Variants in ETV6 observed in about 807,000 individuals in gnomAD.
ETV6 encodes the protein ETS variant transcription factor 6.
A neutral mutation model predicts 51.1 loss-of-function variants in ETV6; 16 were observed. The ratio of observed to expected loss-of-function variants is 0.31; its 90% CI spans 0.21 to 0.48. The LOEUF (loss-of-function observed/expected upper bound fraction) is 0.48. Ranked by LOEUF, ETV6 falls within the 20% of genes least tolerant of loss-of-function variation. ETV6 has a pLI of 0.99. For synonymous variants in ETV6, 240 were observed against 224.1 expected, an observed-to-expected ratio of 1.07 and a Z score of -0.64; for missense variants, 458 against 594.8, an observed-to-expected ratio of 0.77 and a Z score of 2.39.
intron 7 of ETV6, among the ~76,000 whole-genome samples, chr12:11,887,064 G>GGTAACTTAGGAATAGTAAAAGCAATTA (rs1385146814): frequency 3.8e-4 from 58 of 152,146 alleles, no homozygotes; most frequent in African/African-American, 1.3e-3. Context: ...GGGAAGGAAT[G>GGTAACTTAGGAATAGTAAAAGCAATTA]GTAACTTAGG....
At chr12:11,843,674 C>T (rs755087972) in intron 3 of ETV6, among the ~76,000 whole-genome samples, 5 of 152,112 alleles carry the variant, frequency 3.3e-5, no homozygotes, top group Non-Finnish European at 7.4e-5. Flanking sequence ...ACCTGGAATA[C>T]GATTATACCT....
At chr12:11,765,819 T>C (rs544448113) in intron 2 of ETV6, among the ~76,000 whole-genome samples, 1 of 152,352 alleles carries the variant, frequency 6.6e-6, no homozygotes, top group South Asian at 2.1e-4. Flanking sequence ...CCCTCTTCAT[T>C]TGAAATGCTG....
At chr12:11,716,560 G>C (rs1865284741) in intron 1 of ETV6, 1 of 152,178 alleles carries the variant, frequency 6.6e-6, no homozygotes, top group Non-Finnish European at 1.5e-5. Context: ...AGCAGGATTA[G>C]TTCCTTTCTT....
At chr12:11,732,204 G>T (rs1320567021) in intron 1 of ETV6, among the ~76,000 whole-genome samples, 1 of 152,172 alleles carries the variant, frequency 6.6e-6, no homozygotes, top group Non-Finnish European at 1.5e-5. Flanking sequence ...TTCGAGGTAC[G>T]TGGAAATGTC....
At chr12:11,830,175 G>T (rs1946221561) in intron 2 of ETV6, among the ~76,000 whole-genome samples, 1 of 152,198 alleles carries the variant, frequency 6.6e-6, no homozygotes, top group Non-Finnish European at 1.5e-5. Flanking sequence ...GCAAGCAGAG[G>T]TCAGAAGGTG....
intron 1 of ETV6, among the ~76,000 whole-genome samples, chr12:11,693,398 C>G (rs921109256): frequency 6.6e-6 from 1 of 152,188 alleles, no homozygotes; most frequent in Non-Finnish European, 1.5e-5. Flanking sequence ...TACTCCTAAC[C>G]TGTCTCCCAC....
At chr12:11,853,004 T>C (rs982536090) in intron 3 of ETV6, among the ~76,000 whole-genome samples, 2 of 152,158 alleles carry the variant, frequency 1.3e-5, no homozygotes, top group Non-Finnish European at 2.9e-5. Flanking sequence ...CTGAACAGCA[T>C]GGTGAAACCC....
At chr12:11,656,812 C>T (rs2120620704) in intron 1 of ETV6, among the ~76,000 whole-genome samples, 1 of 151,832 alleles carries the variant, frequency 6.6e-6, no homozygotes, top group Non-Finnish European at 1.5e-5. Context: ...TCAGTTGCTT[C>T]TCCTTATACA....
intron 5 of ETV6, among the ~76,000 whole-genome samples, chr12:11,882,456 G>C (rs995692894): frequency 6.6e-6 from 1 of 152,150 alleles, no homozygotes; most frequent in Admixed American, 6.6e-5. Context: ...TTCATAAGCT[G>C]TGTCCTCCTG....
At chr12:11,668,233 G>A (rs999776182) in intron 1 of ETV6, among the ~76,000 whole-genome samples, 7 of 152,162 alleles carry the variant, frequency 4.6e-5, no homozygotes, top group African/African-American at 1.4e-4. Context: ...AATTTCATGA[G>A]CCTTTTCTTA....
chr12:11,830,818 A>G (rs1452046686), intron 2 of ETV6, among the ~76,000 whole-genome samples: 1 of 152,230 alleles, frequency 6.6e-6, no homozygotes. Flanking sequence ...AGAAGGTGGA[A>G]GATGCATTGA....
At chr12:11,889,619 T>C (rs1327201374) in intron 7 of ETV6, among the ~76,000 whole-genome samples, 1 of 152,040 alleles carries the variant, frequency 6.6e-6, no homozygotes, top group Non-Finnish European at 1.5e-5. Context: ...GGGCTCCAGA[T>C]AAGGGAAAAG....
intron 7 of ETV6, among the ~76,000 whole-genome samples, chr12:11,886,465 CT>C (rs34621404): frequency 0.83 from 123,571 of 149,570 alleles, 51,229 homozygotes; most frequent in Middle Eastern, 0.91. Context: ...TCCATCAGAG[CT>C]TTTTTTTTTT....
intron 2 of ETV6, among the ~76,000 whole-genome samples, chr12:11,788,782 A>G (rs563425292): frequency 7.1e-4 from 100 of 141,570 alleles, no homozygotes; most frequent in African/African-American, 2.5e-3. Context: ...TTCATTTCTA[A>G]ATATTATCTA....
intron 5 of ETV6, among the ~76,000 whole-genome samples, chr12:11,877,720 C>T (rs1257650786): frequency 1.3e-5 from 2 of 152,210 alleles, no homozygotes; most frequent in East Asian, 1.9e-4. Flanking sequence ...GCTTGGACTG[C>T]GAAGTCAGCA....
chr12:11,695,123 G>A (rs1864850092), intron 1 of ETV6, among the ~76,000 whole-genome samples: 2 of 152,168 alleles, frequency 1.3e-5, no homozygotes, highest in Admixed American at 6.5e-5. Flanking sequence ...CTGAAGGTAT[G>A]TTATCCTTCC....
intron 5 of ETV6, among the ~76,000 whole-genome samples, chr12:11,872,660 A>T (rs1042868165): frequency 2.6e-4 from 39 of 151,884 alleles, no homozygotes; most frequent in African/African-American, 9.2e-4. Context: ...TGCCTGGCGA[A>T]TTTTTTTGTA....
chr12:11,654,664 G>C (rs538092378), intron 1 of ETV6, among the ~76,000 whole-genome samples: 1 of 152,234 alleles, frequency 6.6e-6, no homozygotes, highest in African/African-American at 2.4e-5. Flanking sequence ...GGGAGGAGAT[G>C]AGAGAAGAAG....
chr12:11,766,283 T>G (rs1945159889), intron 2 of ETV6, among the ~76,000 whole-genome samples: 1 of 152,140 alleles, frequency 6.6e-6, no homozygotes, highest in Non-Finnish European at 1.5e-5. Context: ...CAAAGGAATT[T>G]CCTGTGTGGG....
Sources: gnomAD v4.1 joint callset for allele counts (sites outside exome capture counted in the v4.1 genomes callset) on GRCh38, gnomAD v4.1.1 for gene constraint, MANE v1.5 for transcripts, NCBI Gene and HGNC (gene_info 2026-07-23, HGNC 2026-07-21) for gene names.